CTNNA3: variants seen among roughly 807,000 people sequenced by gnomAD.
CTNNA3 encodes catenin alpha 3.
A neutral mutation model predicts 95.7 loss-of-function variants in CTNNA3; 76 were observed. The observed-to-expected ratio is 0.79, with a 90% confidence interval of 0.66 to 0.96. CTNNA3 has a LOEUF of 0.96. Ranked by LOEUF, CTNNA3 falls within the 40% of genes least tolerant of loss-of-function variation. The probability of loss-of-function intolerance (pLI) is 0.00; values close to 1 mark genes in which losing one functional copy is unlikely to be tolerated. For missense variants in CTNNA3, 1,191 were observed against 1,089.8 expected, an observed-to-expected ratio of 1.09 and a Z score of -1.31; for synonymous variants, 431 against 374.4, an observed-to-expected ratio of 1.15 and a Z score of -1.74.
chr10:67,250,035 T>A (rs989670161), intron 5 of CTNNA3, among the ~76,000 whole-genome samples: 1 of 152,228 alleles, frequency 6.6e-6, no homozygotes, highest in Non-Finnish European at 1.5e-5. Flanking sequence ...TAAATAGTTG[T>A]TATACTGTAT....
At chr10:66,072,576 C>A (rs1305671829) in intron 14 of CTNNA3, among the ~76,000 whole-genome samples, 1 of 152,070 alleles carries the variant, frequency 6.6e-6, no homozygotes, top group African/African-American at 2.4e-5. Flanking sequence ...TCCCAAGTAG[C>A]TGGGACTATA....
chr10:66,018,910 T>C (rs921691293), intron 15 of CTNNA3, among the ~76,000 whole-genome samples: 7 of 152,082 alleles, frequency 4.6e-5, no homozygotes, highest in African/African-American at 1.4e-4. Flanking sequence ...TGGTGGGATA[T>C]ATTTATTTTC....
intron 7 of CTNNA3, among the ~76,000 whole-genome samples, chr10:67,027,988 T>C (rs1344977734): frequency 6.6e-6 from 1 of 152,152 alleles, no homozygotes; most frequent in Non-Finnish European, 1.5e-5. Context: ...AACAACCCTG[T>C]GAAGCAAGTA....
At chr10:67,708,222 A>G (rs1841088438) in intron 1 of CTNNA3, among the ~76,000 whole-genome samples, 1 of 152,178 alleles carries the variant, frequency 6.6e-6, no homozygotes, top group East Asian at 1.9e-4. Flanking sequence ...CTGTTAGTCA[A>G]TAACCTTAAC....
intron 12 of CTNNA3, among the ~76,000 whole-genome samples, chr10:66,365,764 C>CTT (rs2092706880): frequency 8.7e-6 from 1 of 115,258 alleles, no homozygotes; most frequent in Non-Finnish European, 2.2e-5. Context: ...TAGGCTCTCT[C>CTT]TCTCTCTCTC....
chr10:67,440,180 A>G (rs188894535), intron 5 of CTNNA3, among the ~76,000 whole-genome samples: 261 of 152,292 alleles, frequency 1.7e-3, no homozygotes, highest in African/African-American at 5.9e-3. Flanking sequence ...CTTTAAGTGA[A>G]CATCAGCAGT....
chr10:67,464,084 A>G (rs1439223393), intron 5 of CTNNA3, among the ~76,000 whole-genome samples: 1 of 152,138 alleles, frequency 6.6e-6, no homozygotes, highest in African/African-American at 2.4e-5. Context: ...TCTATTACCT[A>G]AAACAAAACA....
At chr10:67,693,933 T>C (rs138276607) in intron 1 of CTNNA3, among the ~76,000 whole-genome samples, 10 of 152,328 alleles carry the variant, frequency 6.6e-5, no homozygotes, top group Non-Finnish European at 1.2e-4. Context: ...ACTGAATTGC[T>C]CCTCTAGCAT....
chr10:66,439,319 G>T (rs2093360150), intron 11 of CTNNA3, among the ~76,000 whole-genome samples: 2 of 151,958 alleles, frequency 1.3e-5, no homozygotes, highest in Admixed American at 1.3e-4. Flanking sequence ...CTTAAAAAAA[G>T]GATACTATTT....
intron 5 of CTNNA3, among the ~76,000 whole-genome samples, chr10:67,330,472 A>G (rs983020604): frequency 1.3e-5 from 2 of 152,228 alleles, no homozygotes; most frequent in Admixed American, 1.3e-4. Context: ...TGGCACAGTG[A>G]CTGACACACT....
intron 9 of CTNNA3, among the ~76,000 whole-genome samples, chr10:66,659,171 T>C (rs555148750): frequency 4.3e-5 from 6 of 141,168 alleles, no homozygotes; most frequent in African/African-American, 1.6e-4. Context: ...AGACAAAAAA[T>C]AATTAAGAAA....
At chr10:66,690,370 A>G (rs11815638) in intron 9 of CTNNA3, among the ~76,000 whole-genome samples, 56,979 of 151,494 alleles carry the variant, frequency 0.38, 11,120 homozygotes, top group Non-Finnish European at 0.41. Flanking sequence ...AAATGTGCAC[A>G]ATATGCAGGT....
chr10:66,861,449 G>C (rs1038661196), intron 7 of CTNNA3, among the ~76,000 whole-genome samples: 3 of 152,126 alleles, frequency 2.0e-5, no homozygotes, highest in African/African-American at 7.2e-5. Context: ...GTGTGAGTGA[G>C]CCCTGCATGT....
At chr10:66,244,116 C>T (rs561671377) in intron 13 of CTNNA3, among the ~76,000 whole-genome samples, 1 of 152,342 alleles carries the variant, frequency 6.6e-6, no homozygotes, top group African/African-American at 2.4e-5. Flanking sequence ...CCTGGCAGAA[C>T]TCTCCACAAG....
rs530924013 is a variant in CTNNA3, at chr10:67,286,000, T to C, written c.580-66130A>G. 4.8e-4 allele frequency among the ~76,000 whole-genome samples: 73 copies of C among 152,312 alleles called. No homozygotes were observed. In the Middle Eastern group the frequency reaches 0.014, roughly 28 times the overall value. On this transcript the variant is annotated intron_variant, in intron 5 of 17. Transcript: ENST00000433211. ...AATAGCAGGTAGTATTCCAGCTGTT[T>C]GGGGCTGCTTTGGGCTCTAGGCATT...
At chr10:66,572,757 AAG>A (rs1389554354) in intron 10 of CTNNA3, among the ~76,000 whole-genome samples, 2 of 152,148 alleles carry the variant, frequency 1.3e-5, no homozygotes, top group Non-Finnish European at 2.9e-5. Context: ...AGTCTTTGCA[AAG>A]AGAGGAGAGA....
intron 7 of CTNNA3, among the ~76,000 whole-genome samples, chr10:67,166,209 C>T (rs895072665): frequency 1.4e-4 from 22 of 152,132 alleles, no homozygotes; most frequent in South Asian, 2.1e-4. Flanking sequence ...GTGATCATAA[C>T]GCACATTTTA....
intron 7 of CTNNA3, among the ~76,000 whole-genome samples, chr10:66,916,248 A>C (rs1198706954): frequency 6.6e-6 from 1 of 152,232 alleles, no homozygotes. Flanking sequence ...AGTGATTGTG[A>C]GTCATATCGC....
intron 5 of CTNNA3, among the ~76,000 whole-genome samples, chr10:67,256,381 C>T (rs950397402): frequency 6.6e-6 from 1 of 152,068 alleles, no homozygotes; most frequent in Non-Finnish European, 1.5e-5. Flanking sequence ...TTACCGAATG[C>T]CTTCTTTTGA....
Sources: gnomAD v4.1 joint callset for allele counts (sites outside exome capture counted in the v4.1 genomes callset) on GRCh38, gnomAD v4.1.1 for gene constraint, MANE v1.5 for transcripts, NCBI Gene and HGNC (gene_info 2026-07-23, HGNC 2026-07-21) for gene names.